Variants in EVC observed in about 807,000 individuals in gnomAD.
EVC encodes evC complex member EVC.
In EVC, 116 loss-of-function variants were observed where a neutral mutation model predicts 118.9. The ratio of observed to expected loss-of-function variants is 0.98; its 90% CI spans 0.84 to 1.14. EVC has a LOEUF of 1.14. Among genes scored for constraint, EVC ranks in the 50% most tolerant of loss-of-function variants. EVC has a pLI of 0.00. For missense variants in EVC, 1,401 were observed against 1,246.4 expected, an observed-to-expected ratio of 1.12 and a Z score of -1.87; for synonymous variants, 619 against 534.7, an observed-to-expected ratio of 1.16 and a Z score of -2.18.
In EVC at chr4:5,748,256, A is replaced by G. The variant is rs1185144992; in HGVS notation, c.1048A>G (p.Met350Val). The change falls in exon 8 of 21, where the codon ATG becomes GTG. Residue 350 changes from methionine (M) to valine (V), a missense_variant. Transcript: ENST00000264956. ...RQLMMTLTER[M>V]IAAEGLLCDS... ...GCTGATGATGACTCTGACGGAAAGA[A>G]TGATTGCAGCCGAAGGGCTATTGTG... The G allele has an allele frequency of 5.0e-6, 8 of 1,614,066 alleles. No homozygotes were observed. Among genetic ancestry groups the G allele is most frequent in the African/African-American group, 1.3e-5 (1 of 74,920 alleles).
intron 11 of EVC, among the ~76,000 whole-genome samples, chr4:5,773,949 C>A (rs926439554): frequency 1.3e-5 from 2 of 152,014 alleles, no homozygotes; most frequent in African/African-American, 4.8e-5. Context: ...CTCCCAGGGG[C>A]CAGACCATGT....
chr4:5,808,955 A>T lies in EVC; in HGVS notation c.2689-563A>T, dbSNP rs1027164894. 1.1e-4 allele frequency among the ~76,000 whole-genome samples: 16 copies of T among 152,298 alleles called. 1 individual carries two copies. Among genetic ancestry groups the T allele is most frequent in the Admixed American group, 9.2e-4 (14 of 15,294 alleles). ...GCAGTCGCAGAGTGACAGTGGTAAG[A>T]ATACAGCAGTGGTGGCCGATAGGTA... On this transcript the variant is annotated intron_variant, in intron 18 of 20. Transcript: ENST00000264956.
chr4:5,827,851 G>A, the EVC span, among the ~76,000 whole-genome samples: 3 of 152,290 alleles, frequency 2.0e-5, no homozygotes, highest in Admixed American at 6.5e-5. Flanking sequence ...GGCCACGGGC[G>A]GGAGTCTCTC....
rs1380175365 is a variant in EVC at position 5,755,199 on chromosome 4, C to T, written c.1465-1065C>T. Among the ~76,000 whole-genome samples, 1 of 152,134 alleles carries T rather than the reference C, an allele frequency of 6.6e-6. No individual in the cohort carries two copies. The highest frequency in any genetic ancestry group is 1.5e-5 in the Non-Finnish European group (1 of 68,028). ...AGGAAGATAAGGCTATTCAGCTCCT[C>T]GTTATTTGGATATTTCTGGGCCCCT... On this transcript the variant is annotated intron_variant, in intron 10 of 20. Coordinates refer to ENST00000264956, the MANE Select transcript of EVC (RefSeq NM_153717.3). This position sits in a 1 kb window ranked among gnomAD's most constrained non-coding sequence, Gnocchi z 4.1.
At chr4:5,808,794 G>A (rs913027805) in intron 18 of EVC, among the ~76,000 whole-genome samples, 2 of 152,214 alleles carry the variant, frequency 1.3e-5, no homozygotes, top group African/African-American at 4.8e-5. Flanking sequence ...ATTTGTGTGA[G>A]GTTATACAGT....
chr4:5,823,356 G>A, the EVC span, among the ~76,000 whole-genome samples: 112 of 152,314 alleles, frequency 7.4e-4, no homozygotes, highest in African/African-American at 2.6e-3. Context: ...CTAAAGGCCT[G>A]GAATCAGGCC....
the EVC span, among the ~76,000 whole-genome samples, chr4:5,827,682 G>A: frequency 6.6e-6 from 1 of 151,536 alleles, no homozygotes; most frequent in Non-Finnish European, 1.5e-5. Flanking sequence ...ACACGTGCAT[G>A]CATGTACACA....
At chr4:5,725,855 A>C (rs1725725177) in intron 2 of EVC, among the ~76,000 whole-genome samples, 1 of 152,122 alleles carries the variant, frequency 6.6e-6, no homozygotes. Context: ...TGGGTTTTAC[A>C]TTTAAGTCTT....
At chr4:5,825,733 C>T in the EVC span, 5 of 1,517,388 alleles carry the variant, frequency 3.3e-6, no homozygotes, top group Middle Eastern at 1.7e-4. The surrounding 1 kb of genome is among the most constrained non-coding windows in gnomAD (Gnocchi z 4.4). Context: ...AAAGCAGAGC[C>T]CTGCGGGCGA....
chr4:5,772,260 CTCACAGTGCCCTTGTA>C (rs1490780870), intron 11 of EVC, among the ~76,000 whole-genome samples: 12 of 152,232 alleles, frequency 7.9e-5, no homozygotes, highest in Middle Eastern at 3.4e-3. Context: ...AGAAGTACAA[CTCACAGTGCCCTTGTA>C]TCACATGCTA....
chr4:5,753,144 G>A, intron 9 of EVC, 92 bp downstream of exon 9: 1 of 1,258,042 alleles, frequency 7.9e-7, no homozygotes, highest in Non-Finnish European at 1.1e-6. Context: ...CTGGGGCAGT[G>A]TGCCCATGAT....
intron 17 of EVC, among the ~76,000 whole-genome samples, chr4:5,807,401 G>A (rs982753411): frequency 4.6e-5 from 7 of 152,110 alleles, no homozygotes; most frequent in Non-Finnish European, 8.8e-5. Flanking sequence ...TTCACACCTC[G>A]GAGCACTCCA....
At chr4:5,782,536 G>GAAAAA (rs71171483) in intron 11 of EVC, among the ~76,000 whole-genome samples, 3 of 45,732 alleles carry the variant, frequency 6.6e-5, no homozygotes, top group Non-Finnish European at 8.8e-5. Context: ...TGTTTTAAAT[G>GAAAAA]AAAAAAAAAA....
intron 15 of EVC, among the ~76,000 whole-genome samples, chr4:5,800,532 C>T (rs1158132364): frequency 1.3e-5 from 2 of 151,920 alleles, no homozygotes; most frequent in Non-Finnish European, 2.9e-5. Context: ...GGATGGAGGG[C>T]CTGGTGAAGG....
chr4:5,744,866 G>A (rs1182318651), intron 6 of EVC, among the ~76,000 whole-genome samples: 1 of 152,076 alleles, frequency 6.6e-6, no homozygotes, highest in Non-Finnish European at 1.5e-5. Flanking sequence ...CAGAAGAGGA[G>A]CAAAGAAACA....
At chr4:5,765,840 G>C (rs180854689) in intron 11 of EVC, among the ~76,000 whole-genome samples, 12,007 of 149,832 alleles carry the variant, frequency 0.08, 707 homozygotes, top group South Asian at 0.14. Flanking sequence ...ACACTGATGG[G>C]TCTTGACTCT....
At chr4:5,796,516 T>C (rs572414347) in intron 13 of EVC, among the ~76,000 whole-genome samples, 14 of 152,214 alleles carry the variant, frequency 9.2e-5, no homozygotes, top group Admixed American at 3.9e-4. Flanking sequence ...GAATGACTTT[T>C]ATTCCTAGGA....
chr4:5,790,368 A>G (rs1162887410), intron 12 of EVC, among the ~76,000 whole-genome samples: 1 of 152,170 alleles, frequency 6.6e-6, no homozygotes, highest in Non-Finnish European at 1.5e-5. Flanking sequence ...CACAGCATCC[A>G]CCAGAACTGA....
In EVC at chr4:5,804,712, C is replaced by T. The variant is rs1297590725; in HGVS notation, c.2450-18C>T. 3 of 1,610,030 alleles carry T rather than the reference C, an allele frequency of 1.9e-6. No homozygotes were observed. The African/African-American group carries it at 4.0e-5, about 22-fold the overall frequency. On this transcript the variant is annotated intron_variant, in intron 16 of 20. Coordinates refer to ENST00000264956, the MANE Select transcript of EVC (RefSeq NM_153717.3). ...CCTCCAAACAGACCCCTTGATTGTCCTGTGTTAAATGGTCTAGGTGAGAGG... is the reference window on the plus strand; with the variant it reads ...CCTCCAAACAGACCCCTTGATTGTCTTGTGTTAAATGGTCTAGGTGAGAGG...
Sources: gnomAD v4.1 joint callset for allele counts (sites outside exome capture counted in the v4.1 genomes callset) on GRCh38, gnomAD v4.1.1 for gene constraint, Gnocchi (gnomAD v3.1) non-coding constraint, MANE v1.5 for transcripts, NCBI Gene and HGNC (gene_info 2026-07-23, HGNC 2026-07-21) for gene names.